FOCAD: variants seen among roughly 807,000 people sequenced by gnomAD.
FOCAD encodes the protein KIAA1797.
A neutral mutation model predicts 225.6 loss-of-function variants in FOCAD; 198 were observed. The ratio of observed to expected loss-of-function variants is 0.88; its 90% CI spans 0.78 to 0.99. The LOEUF (loss-of-function observed/expected upper bound fraction) is 0.99, where lower values mean the gene tolerates loss of function less well. FOCAD is among the 50% of genes least tolerant of loss of function. The pLI is 0.00. For missense variants in FOCAD, 2,713 were observed against 2,123.6 expected (o/e 1.28, Z -5.46); for synonymous variants, 897 against 755.0 (o/e 1.19, Z -3.08).
intron 11 of FOCAD, among the ~76,000 whole-genome samples, chr9:20,802,437 A>T (rs1283747455): frequency 1.3e-5 from 2 of 152,110 alleles, no homozygotes; most frequent in East Asian, 3.9e-4. Context: ...CTTCAAAGGG[A>T]ATTTTTAGTA....
At chr9:20,883,488 G>A (rs981123595) in intron 20 of FOCAD, among the ~76,000 whole-genome samples, 1 of 152,132 alleles carries the variant, frequency 6.6e-6, no homozygotes, top group African/African-American at 2.4e-5. Flanking sequence ...TTACCAAAAT[G>A]ACCATACGCT....
At chr9:20,757,978 C>T (rs1829210050) in intron 5 of FOCAD, 112 bp from the exon 6 acceptor site, 14 of 518,016 alleles carry the variant, frequency 2.7e-5, no homozygotes, top group Middle Eastern at 3.0e-4. Flanking sequence ...AATTATGAAT[C>T]GTGAAAAAAG....
intron 7 of FOCAD, among the ~76,000 whole-genome samples, chr9:20,769,340 C>T (rs1307863682): frequency 1.3e-5 from 2 of 152,182 alleles, no homozygotes; most frequent in East Asian, 3.8e-4. Context: ...CTGATTGAAG[C>T]AGATGGTCCG....
intron 15 of FOCAD, among the ~76,000 whole-genome samples, chr9:20,851,511 G>C (rs953371203): frequency 6.6e-6 from 1 of 151,758 alleles, no homozygotes; most frequent in Non-Finnish European, 1.5e-5. Context: ...GCTTATTGCT[G>C]TCACATTTCT....
Position 20,874,732 on chromosome 9 carries a change from G to T in FOCAD, c.2242G>T (p.Glu748Ter), listed in dbSNP as rs1203374572. 1.2e-6 allele frequency: 2 copies of T among 1,613,518 alleles called. No homozygotes were observed. The highest frequency in any genetic ancestry group is 2.7e-5 in the African/African-American group (2 of 74,872). The change falls in exon 19 of 44, where the codon GAG (glutamate) becomes TAG (stop). Residue 748 changes from glutamate to a stop codon, truncating the protein, a stop_gained. Transcript: ENST00000338382. LOFTEE classifies it high-confidence loss of function. ...AGAGTTAGATGACGATGAAGATGTT[G>T]AGGATGTGGATCTTTCAGTTCCTGG... ...PEELDDDEDV[E>*]DVDLSVPGSC...
rs757256815 is a variant in FOCAD, at chr9:20,758,154, C to T, written c.457C>T (p.Gln153Ter). ...HRPDCWPVFL[Q>*]QLTAFFQQCP... Reference sequence around the variant, plus strand: ...ACCTGATTGCTGGCCAGTGTTTTTGCAGCAGCTGACAGCGTTTTTCCAGCA... The same window carrying T: ...ACCTGATTGCTGGCCAGTGTTTTTGTAGCAGCTGACAGCGTTTTTCCAGCA... Residue 153 changes from glutamine (Q) to a stop codon, truncating the protein, a stop_gained, in exon 6 of 44, where the codon CAG becomes TAG. Coordinates refer to ENST00000338382, the MANE Select transcript of FOCAD (RefSeq NM_001375567.1). LOFTEE classifies it high-confidence loss of function. The T allele has an allele frequency of 2.5e-6, 4 of 1,611,906 alleles. No homozygotes were observed. Among genetic ancestry groups the T allele is most frequent in the Non-Finnish European group, 3.4e-6 (4 of 1,179,056 alleles).
intron 5 of FOCAD, among the ~76,000 whole-genome samples, chr9:20,743,385 AC>A (rs1469187516): frequency 6.6e-6 from 1 of 152,184 alleles, no homozygotes; most frequent in African/African-American, 2.4e-5. Flanking sequence ...AGTATTTCTT[AC>A]TTCTTTTTCT....
chr9:20,676,381 A>G (rs534274853), intron 2 of FOCAD, among the ~76,000 whole-genome samples: 7 of 152,334 alleles, frequency 4.6e-5, no homozygotes, highest in African/African-American at 9.6e-5. Context: ...AGACTTCTGG[A>G]ATGAGAAGAA....
At chr9:20,991,323 A>G (rs1226426280) in intron 42 of FOCAD, among the ~76,000 whole-genome samples, 1 of 152,170 alleles carries the variant, frequency 6.6e-6, no homozygotes, top group Non-Finnish European at 1.5e-5. Context: ...TATGAAGTTG[A>G]AAGCTTCAAA....
At chr9:20,697,593 T>G (rs866486510) in intron 1 of FOCAD, among the ~76,000 whole-genome samples, 2 of 152,270 alleles carry the variant, frequency 1.3e-5, no homozygotes, top group African/African-American at 4.8e-5. Context: ...TTCAGGTGTC[T>G]GTTCAAATGT....
chr9:20,853,475 A>G (rs1361278041), intron 15 of FOCAD, among the ~76,000 whole-genome samples: 1 of 151,806 alleles, frequency 6.6e-6, no homozygotes, highest in African/African-American at 2.4e-5. Context: ...GAAATACAGA[A>G]TAATTTAAAA....
chr9:20,859,244 T>C (rs1042761624), intron 15 of FOCAD, among the ~76,000 whole-genome samples: 3 of 151,948 alleles, frequency 2.0e-5, no homozygotes, highest in African/African-American at 4.8e-5. Flanking sequence ...TATCTGGGTG[T>C]GGTGGTGCAT....
At position 20,740,216 on chromosome 9, in the gene FOCAD, C is replaced by T; in HGVS notation, c.288-20C>T. 7.2e-7 allele frequency: 1 copy of T among 1,392,530 alleles called. No individual in the cohort carries two copies. Among genetic ancestry groups the T allele is most frequent in the South Asian group, 1.2e-5 (1 of 82,712 alleles). The allele number at this position is 1,392,530 out of a possible 1,614,324, so 86.3% of individuals were successfully genotyped here. ...TTCACTTTTTATCTATAACATTTAA[C>T]ATGCTATATTTCTTTGCAGAAATAC... On this transcript the variant is annotated intron_variant, in intron 4 of 43. Coordinates refer to ENST00000338382, the MANE Select transcript of FOCAD (RefSeq NM_001375567.1).
At chr9:20,979,150 A>C (rs1392711887) in intron 37 of FOCAD, among the ~76,000 whole-genome samples, 1 of 152,236 alleles carries the variant, frequency 6.6e-6, no homozygotes, top group Non-Finnish European at 1.5e-5. Flanking sequence ...CTAGAACAGA[A>C]AAACATATTC....
At chr9:20,775,862 A>G (rs1047408919) in intron 8 of FOCAD, among the ~76,000 whole-genome samples, 3 of 151,302 alleles carry the variant, frequency 2.0e-5, no homozygotes, top group African/African-American at 7.3e-5. Flanking sequence ...ATTTTATTTC[A>G]TTTTTTAAAA....
At chr9:20,923,198 G>T (rs1834617152) in intron 24 of FOCAD, among the ~76,000 whole-genome samples, 1 of 152,228 alleles carries the variant, frequency 6.6e-6, no homozygotes, top group Non-Finnish European at 1.5e-5. Context: ...TATGCAGGCT[G>T]AAGTGGTTTG....
At chr9:20,920,322 G>A (rs1471670685) in intron 24 of FOCAD, among the ~76,000 whole-genome samples, 7 of 130,614 alleles carry the variant, frequency 5.4e-5, no homozygotes, top group Non-Finnish European at 8.1e-5. Context: ...AACAGGTGCT[G>A]GAGAGGATGT....
chr9:20,718,571 A>G (rs1825528219), intron 3 of FOCAD, among the ~76,000 whole-genome samples: 2 of 152,172 alleles, frequency 1.3e-5, no homozygotes, highest in African/African-American at 2.4e-5. Flanking sequence ...TAGCTGCTCC[A>G]AGTTACATTT....
At chr9:20,942,380 C>T (rs978311815) in intron 28 of FOCAD, among the ~76,000 whole-genome samples, 1 of 152,192 alleles carries the variant, frequency 6.6e-6, no homozygotes, top group African/African-American at 2.4e-5. Context: ...GACTTACATA[C>T]TTCCTTGTTT....
Sources: allele counts gnomAD v4.1 joint callset (sites outside exome capture counted in the v4.1 genomes callset), GRCh38; gene constraint gnomAD v4.1.1; transcripts MANE v1.5; gene names NCBI Gene and HGNC (gene_info 2026-07-23, HGNC 2026-07-21).